The following INTS9 variants were observed in gnomAD, a reference collection of about 807,000 sequenced individuals.
INTS9 encodes protein related to CPSF subunits of 74 kDa.
INTS9 carries 55 observed loss-of-function variants against 79.7 expected under a neutral mutation model. The observed-to-expected ratio is 0.69, with a 90% CI of 0.56 to 0.86. The LOEUF is 0.86. INTS9 is among the 40% of genes least tolerant of loss of function. The probability of loss-of-function intolerance (pLI) is 0.00; values close to 1 mark genes in which losing one functional copy is unlikely to be tolerated. For missense variants in INTS9, 721 were observed against 831.5 expected (o/e 0.87, Z 1.64); for synonymous variants, 319 against 325.2 (o/e 0.98, Z 0.20).
chr8:28,835,256 T>A, intron 6 of INTS9, 36 bp downstream of exon 6: 1 of 1,449,974 alleles, frequency 6.9e-7, no homozygotes, highest in Non-Finnish European at 9.6e-7. Context: ...CACCTGGCTC[T>A]ACAGTCTCTC....
chr8:28,803,638 T>A (rs1804645348), intron 8 of INTS9, among the ~76,000 whole-genome samples: 1 of 152,174 alleles, frequency 6.6e-6, no homozygotes, highest in Non-Finnish European at 1.5e-5. Context: ...ATATCATATG[T>A]CATGTGGTAG....
At chr8:28,857,435 G>C (rs895292206) in intron 2 of INTS9, among the ~76,000 whole-genome samples, 1 of 152,284 alleles carries the variant, frequency 6.6e-6, no homozygotes, top group East Asian at 1.9e-4. Context: ...TTCTAGTGGA[G>C]TGGTGTGGGC....
intron 12 of INTS9, among the ~76,000 whole-genome samples, chr8:28,780,113 C>A (rs2941562): frequency 6.8e-6 from 1 of 147,818 alleles, no homozygotes; most frequent in Admixed American, 6.8e-5. Context: ...CCAAGGCCGA[C>A]TGAAGACCCT....
At position 28,889,944 on chromosome 8, in the gene INTS9, G is replaced by A. The variant is rs1415736648; in HGVS notation, c.-62C>T. On this transcript the variant is annotated 5_prime_UTR_variant, in exon 1 of 17. Transcript: ENST00000521022. ...TCCTCAAACCCAGGAAGCGTCTTCC[G>A]GTGCAATCTCCGCCACCTGCCAGCC... is the stretch of plus-strand genomic sequence containing the variant. 2 of 1,428,672 alleles carry A rather than the reference G, an allele frequency of 1.4e-6. No individual in the cohort carries two copies. Among genetic ancestry groups the A allele is most frequent in the South Asian group, 1.2e-5 (1 of 85,872 alleles). The allele number at this position is 1,428,672 out of a possible 1,614,324, so 88.5% of individuals were successfully genotyped here. A position where few individuals can be genotyped will look rare whatever the true frequency, so the allele number is the denominator to read the frequency against.
chr8:28,776,438 T>G (rs1011872694), intron 13 of INTS9, among the ~76,000 whole-genome samples: 1 of 136,298 alleles, frequency 7.3e-6, no homozygotes, highest in Non-Finnish European at 1.5e-5. Flanking sequence ...TTTTTTTTTT[T>G]TGTTTTTTTT....
intron 5 of INTS9, among the ~76,000 whole-genome samples, chr8:28,835,791 T>C (rs1030281795): frequency 1.2e-4 from 19 of 152,100 alleles, no homozygotes; most frequent in African/African-American, 4.6e-4. Context: ...CTGTTTTTTT[T>C]TAAATGACAA....
chr8:28,787,755 G>A (rs187513387), intron 11 of INTS9, 74 bp downstream of exon 11: 12 of 1,036,826 alleles, frequency 1.2e-5, no homozygotes, highest in Admixed American at 7.0e-5. Context: ...TTCATCTAAC[G>A]ACCTGCTGTC....
intron 11 of INTS9, among the ~76,000 whole-genome samples, chr8:28,782,531 G>GCACACATGCACACATACACGCACA (rs1349252335): frequency 7.2e-5 from 11 of 152,300 alleles, no homozygotes; most frequent in Admixed American, 6.5e-4. Context: ...GGACATGTGT[G>GCACACATGCACACATACACGCACA]CACACATGCA....
chr8:28,780,179 T>TCTC (rs1803165142), intron 12 of INTS9: 1 of 152,894 alleles, frequency 6.5e-6, no homozygotes, highest in African/African-American at 3.4e-5. Context: ...AGAAGAACTA[T>TCTC]CTCGTGCCCC....
intron 9 of INTS9, among the ~76,000 whole-genome samples, chr8:28,795,199 A>G (rs1804137247): frequency 6.6e-6 from 1 of 152,176 alleles, no homozygotes; most frequent in Admixed American, 6.5e-5. Flanking sequence ...GGTAGCTGTT[A>G]CGGACTGAAT....
intron 16 of INTS9, among the ~76,000 whole-genome samples, chr8:28,768,583 C>T (rs1802343731): frequency 6.6e-6 from 1 of 152,210 alleles, no homozygotes; most frequent in African/African-American, 2.4e-5. Context: ...CGTCCAAGCA[C>T]TGTGTTCAGG....
At chr8:28,841,302 A>G (rs1025273480) in intron 4 of INTS9, among the ~76,000 whole-genome samples, 2 of 152,168 alleles carry the variant, frequency 1.3e-5, no homozygotes, top group African/African-American at 4.8e-5. Flanking sequence ...CCCTAGCATC[A>G]TTTTTAAACA....
Position 28,795,108 on chromosome 8 carries a change from G to A in INTS9, c.857-1121C>T, listed in dbSNP as rs535094095. On this transcript the variant is annotated intron_variant, in intron 9 of 16. Coordinates refer to ENST00000521022, the MANE Select transcript of INTS9 (RefSeq NM_018250.4). Reference sequence around the variant, plus strand: ...AGTGCCTTCCGTGTAAATATAAGATGACCACTTCTTCTTCCTAGAGCAGAA... The same window carrying A: ...AGTGCCTTCCGTGTAAATATAAGATAACCACTTCTTCTTCCTAGAGCAGAA... 2.0e-5 allele frequency among the ~76,000 whole-genome samples: 3 copies of A among 152,218 alleles called. No individual in the cohort carries two copies. The South Asian group carries it at 6.2e-4, about 31-fold the overall frequency.
intron 1 of INTS9, among the ~76,000 whole-genome samples, chr8:28,889,358 TCTC>T (rs1321374495): frequency 1.3e-5 from 2 of 152,134 alleles, no homozygotes; most frequent in African/African-American, 2.4e-5. Context: ...AGACTCAACT[TCTC>T]CACACTCTGA....
At chr8:28,836,887 T>C (rs1030074351) in intron 5 of INTS9, among the ~76,000 whole-genome samples, 7 of 152,254 alleles carry the variant, frequency 4.6e-5, no homozygotes, top group African/African-American at 1.2e-4. Context: ...TAGGAGTCTA[T>C]AGCAATTCTT....
At chr8:28,822,480 C>T (rs1238928018) in intron 6 of INTS9, among the ~76,000 whole-genome samples, 1 of 152,116 alleles carries the variant, frequency 6.6e-6, no homozygotes, top group Non-Finnish European at 1.5e-5. Context: ...TGGCTGTGTT[C>T]TGATAAAACT....
rs572781957 is a variant in INTS9, at chr8:28,774,113, G to A, written c.1563+1646C>T. Among the ~76,000 whole-genome samples the A allele has an allele frequency of 7.2e-5, 11 of 152,246 alleles. No individual in the cohort carries two copies. In the East Asian group the frequency reaches 1.4e-3, roughly 19 times the overall value. On this transcript the variant is annotated intron_variant, in intron 14 of 16. Transcript: ENST00000521022. The stretch of plus-strand genomic sequence containing the variant: ...CAGGAGTGAGCTACCATGCCTGGCT[G>A]AAATATCTTAAATGATATAATGTAC...
In INTS9 at chr8:28,775,749, A is replaced by G. The variant is rs1802829909; in HGVS notation, c.1563+10T>C. 1 of 1,613,944 alleles carries G rather than the reference A, an allele frequency of 6.2e-7. No homozygotes were observed. On this transcript the variant is annotated intron_variant, in intron 14 of 16. Coordinates refer to ENST00000521022, the MANE Select transcript of INTS9 (RefSeq NM_018250.4). ...GCTCTAGTTTAACCCTAGGAAGGAGAACAGCTCACCTCTGGCATGATCTCG... is the reference window on the plus strand; with the variant it reads ...GCTCTAGTTTAACCCTAGGAAGGAGGACAGCTCACCTCTGGCATGATCTCG...
chr8:28,825,631 G>A (rs958102573), intron 6 of INTS9, among the ~76,000 whole-genome samples: 1 of 152,136 alleles, frequency 6.6e-6, no homozygotes, highest in African/African-American at 2.4e-5. Context: ...TTAAGAACTG[G>A]AACAGCCTTG....
Sources: allele counts gnomAD v4.1 joint callset (sites outside exome capture counted in the v4.1 genomes callset), GRCh38; gene constraint gnomAD v4.1.1; transcripts MANE v1.5; gene names NCBI Gene and HGNC (gene_info 2026-07-23, HGNC 2026-07-21).